Variants in TMEM44 observed in about 807,000 individuals in gnomAD.
TMEM44 encodes the protein transmembrane protein 44.
A neutral mutation model predicts 47.8 loss-of-function variants in TMEM44; 43 were observed. The ratio of observed to expected loss-of-function variants is 0.90; its 90% CI spans 0.70 to 1.16. The LOEUF (loss-of-function observed/expected upper bound fraction) is 1.16, where lower values mean the gene tolerates loss of function less well. Among genes scored for constraint, TMEM44 ranks in the 50% most tolerant of loss-of-function variants. The pLI is 0.00. For synonymous variants in TMEM44, 277 were observed against 238.8 expected (o/e 1.16, Z -1.48); for missense variants, 568 against 555.2 (o/e 1.02, Z -0.23).
At chr3:194,608,881 T>C (rs1024683285) in intron 8 of TMEM44, among the ~76,000 whole-genome samples, 7 of 152,208 alleles carry the variant, frequency 4.6e-5, no homozygotes, top group South Asian at 2.1e-4. Flanking sequence ...GAACAAGATG[T>C]CATTTACATT....
chr3:194,610,900 A>C lies in TMEM44; in HGVS notation c.1017+16T>G. 1 of 1,606,356 alleles carries C rather than the reference A, an allele frequency of 6.2e-7. No homozygotes were observed. The highest frequency in any genetic ancestry group is 8.5e-7 in the Non-Finnish European group (1 of 1,174,368). On this transcript the variant is annotated intron_variant, in intron 8 of 9. Coordinates refer to ENST00000347147, the MANE Select transcript of TMEM44 (RefSeq NM_001011655.3). Reference sequence around the variant, plus strand: ...CCATCCTCTCAGACACCTGGCCATGACCGATGGCCACTCACCTGCTGCACA... The same window carrying C: ...CCATCCTCTCAGACACCTGGCCATGCCCGATGGCCACTCACCTGCTGCACA...
chr3:194,610,775 C>T (rs1368393919), intron 8 of TMEM44, 141 bp downstream of exon 8: 6 of 721,038 alleles, frequency 8.3e-6, no homozygotes, highest in African/African-American at 1.8e-5. Flanking sequence ...CCACTGCAGC[C>T]TTGGACAGCT....
Position 194,588,571 on chromosome 3 carries a change from G to C in TMEM44, c.1245C>G (p.His415Gln), listed in dbSNP as rs950820848. 6.2e-7 allele frequency: 1 copy of C among 1,614,066 alleles called. No individual in the cohort carries two copies. Among genetic ancestry groups the C allele is most frequent in the African/African-American group, 1.3e-5 (1 of 74,926 alleles). ...ENVELLGSQV[H>Q]QDSVRTAHLS... ...GGTGTGCTGTCCTCACAGAGTCCTG[G>C]TGCACCTGGGATCCCAGTAGCTCCA... The change falls in exon 10 of 10, where the codon CAC becomes CAG. Residue 415 changes from histidine to glutamine, a missense_variant. His to Gln is a conservative substitution (Grantham distance 24, BLOSUM62 0). Coordinates refer to ENST00000347147, the MANE Select transcript of TMEM44 (RefSeq NM_001011655.3).
intron 5 of TMEM44, among the ~76,000 whole-genome samples, chr3:194,618,403 T>C (rs899467973): frequency 7.3e-5 from 11 of 150,714 alleles, no homozygotes; most frequent in Non-Finnish European, 1.6e-4. Flanking sequence ...CATACTTATA[T>C]ATTTAAATAT....
intron 1 of TMEM44, 90 bp downstream of exon 1, chr3:194,632,965 AGCCATCTCCTTCATCCCCCTTTCC>A: frequency 7.1e-7 from 1 of 1,399,062 alleles, no homozygotes; most frequent in Non-Finnish European, 9.6e-7. Context: ...CCTATTACTG[AGCCATCTCCTTCATCCCCCTTTCC>A]GCCCCCTCCT....
Position 194,591,466 on chromosome 3 carries a change from C to T in TMEM44, c.1177-2827G>A, listed in dbSNP as rs192583065. 6.9e-3 allele frequency among the ~76,000 whole-genome samples: 1,048 copies of T among 152,184 alleles called. 6 individuals carry two copies. Among genetic ancestry groups the T allele is most frequent in the African/African-American group, 0.024 (998 of 41,516 alleles). On this transcript the variant is annotated intron_variant, in intron 9 of 9. Transcript: ENST00000347147. The stretch of plus-strand genomic sequence containing the variant: ...CCGAGATCACGCCACTGTACTCCAG[C>T]GTGGGCGACAAGAGTGAAATTCTGT...
chr3:194,623,295 G>C lies in TMEM44; in HGVS notation c.541C>G (p.Leu181Val). Reference protein sequence around the residue: ...ASLLQENTEILGYLLGSVAAF... With the variant: ...ASLLQENTEIVGYLLGSVAAF... The stretch of plus-strand genomic sequence containing the variant: ...GCAACGCTACCCAGCAGGTAGCCGA[G>C]GATCTCAGTATTTTCCTGCAAGAAC... The change falls in exon 5 of 10, where the codon CTC becomes GTC. Residue 181 changes from leucine to valine, a missense_variant. Coordinates refer to ENST00000347147, the MANE Select transcript of TMEM44 (RefSeq NM_001011655.3). 1 of 1,608,628 alleles carries C rather than the reference G, an allele frequency of 6.2e-7. No homozygotes were observed. The highest frequency in any genetic ancestry group is 8.5e-7 in the Non-Finnish European group (1 of 1,177,526).
chr3:194,596,742 AG>A (rs1713456684), intron 9 of TMEM44: 1 of 152,312 alleles, frequency 6.6e-6, no homozygotes, highest in East Asian at 1.9e-4. Context: ...GGAGGTTGCA[AG>A]ACTCCGTCTC....
At position 194,628,597 on chromosome 3, in the gene TMEM44, A is replaced by G. The variant is rs573630437; in HGVS notation, c.138-88T>C. 65 of 1,444,976 alleles carry G rather than the reference A, an allele frequency of 4.5e-5. No individual in the cohort carries two copies. The African/African-American group carries it at 8.8e-4, about 20-fold the overall frequency. 89.5% of individuals were successfully genotyped at this position (1,444,976 alleles called of 1,614,324 possible). A position where few individuals can be genotyped will look rare whatever the true frequency, so the allele number is the denominator to read the frequency against. ...CTAAAAAGGGCAACTGTGACCCCGC[A>G]TCGTCAGGGAGCTCTTTCTGCCCGA... On this transcript the variant is annotated intron_variant, in intron 1 of 9. Transcript: ENST00000347147.
intron 5 of TMEM44, 123 bp downstream of exon 5, chr3:194,623,101 C>G (rs2108597398): frequency 1.1e-6 from 1 of 917,058 alleles, no homozygotes; most frequent in South Asian, 1.9e-5. Context: ...TCAGGAAAAG[C>G]TGAGCCCATG....
At chr3:194,606,966 A>G (rs1304573004) in intron 8 of TMEM44, among the ~76,000 whole-genome samples, 6 of 149,810 alleles carry the variant, frequency 4.0e-5, no homozygotes, top group East Asian at 1.9e-4. Context: ...AAAAAAAAGG[A>G]AAGAATAAAA....
At chr3:194,610,102 C>G (rs1715156439) in intron 8 of TMEM44, among the ~76,000 whole-genome samples, 3 of 151,978 alleles carry the variant, frequency 2.0e-5, no homozygotes, top group Admixed American at 2.0e-4. Context: ...TGGCAGGCTC[C>G]TGTAGTCTCA....
At chr3:194,604,238 G>A (rs1431397778) in intron 9 of TMEM44, 49 bp downstream of exon 9, 7 of 1,554,578 alleles carry the variant, frequency 4.5e-6, no homozygotes, top group Non-Finnish European at 3.5e-6. Flanking sequence ...AGCAAGTGTC[G>A]GCGAACGATG....
intron 5 of TMEM44, among the ~76,000 whole-genome samples, chr3:194,621,260 G>A (rs541793962): frequency 6.6e-6 from 1 of 152,278 alleles, no homozygotes; most frequent in Non-Finnish European, 1.5e-5. Context: ...GGAGAGGAGC[G>A]AGGCCTGGAA....
intron 5 of TMEM44, among the ~76,000 whole-genome samples, chr3:194,620,061 C>T (rs1486046705): frequency 6.6e-6 from 1 of 152,040 alleles, no homozygotes; most frequent in Non-Finnish European, 1.5e-5. Flanking sequence ...AAGGCCGAGG[C>T]GGGTGGATCA....
intron 9 of TMEM44, among the ~76,000 whole-genome samples, chr3:194,595,030 C>A (rs1713234744): frequency 1.3e-5 from 2 of 152,164 alleles, no homozygotes; most frequent in African/African-American, 2.4e-5. Context: ...ATTATATAGT[C>A]TTTTCCCTGT....
chr3:194,628,543 A>G (rs1463716221), intron 1 of TMEM44, 34 bp from the exon 2 acceptor site: 2 of 1,573,816 alleles, frequency 1.3e-6, no homozygotes, highest in Non-Finnish European at 1.7e-6. Context: ...GAACACAGCA[A>G]CTGTGAGTTT....
rs1715241528 is a variant in TMEM44 at position 194,610,828 on chromosome 3, C to G, written c.1017+88G>C. ...TTCTCTTGTTTTCTCCTGCTCATCC[C>G]TCAGCTAAAGCATCACCTCCTCCAG... On this transcript the variant is annotated intron_variant, in intron 8 of 9. Coordinates refer to ENST00000347147, the MANE Select transcript of TMEM44 (RefSeq NM_001011655.3). The G allele has an allele frequency of 2.6e-6, 3 of 1,174,086 alleles. No homozygotes were observed. The African/African-American group carries it at 4.5e-5, about 18-fold the overall frequency. The allele number at this position is 1,174,086 out of a possible 1,614,324, so 72.7% of individuals were successfully genotyped here. A position where few individuals can be genotyped will look rare whatever the true frequency, so the allele number is the denominator to read the frequency against.
chr3:194,628,388 T>C lies in TMEM44; in HGVS notation c.259A>G (p.Ile87Val), dbSNP rs202091242. 1.7e-5 allele frequency: 28 copies of C among 1,610,858 alleles called. No individual in the cohort carries two copies. In the African/African-American group the frequency reaches 3.6e-4, roughly 21 times the overall value. ...VGALLARQLT[I>V]QVFTGAYLAA... is the part of the protein sequence containing the mutation. ...CAGCTGGAGGCCCAACATACCTGGA[T>C]TGTGAGCTGTCTGGCCAGAAGAGCC... is the stretch of plus-strand genomic sequence containing the variant. The change falls in exon 2 of 10, where the codon ATC becomes GTC. Residue 87 changes from isoleucine (I) to valine (V), a missense_variant. Transcript: ENST00000347147.
Sources: gnomAD v4.1 joint callset for allele counts (sites outside exome capture counted in the v4.1 genomes callset) on GRCh38, gnomAD v4.1.1 for gene constraint, MANE v1.5 for transcripts, NCBI Gene and HGNC (gene_info 2026-07-23, HGNC 2026-07-21) for gene names.